CR1: variants seen among roughly 807,000 people sequenced by gnomAD.
The protein encoded by CR1 is complement C3b/C4b receptor 1 (Knops blood group).
In CR1, 116 loss-of-function variants were observed where a neutral mutation model predicts 187.3. That is an observed-to-expected ratio of 0.62 (90% CI 0.53 to 0.72). The LOEUF is 0.72. Ranked by LOEUF, CR1 falls within the 30% of genes least tolerant of loss-of-function variation. The pLI is 0.00. For synonymous variants in CR1, 576 were observed against 747.1 expected, an observed-to-expected ratio of 0.77 and a Z score of 3.73; for missense variants, 1,731 against 2,110.7, an observed-to-expected ratio of 0.82 and a Z score of 3.52.
chr1:207,614,528 T>C lies in CR1; in HGVS notation c.6661+39T>C, dbSNP rs56300364. ...ACTATGTAGTTTGGATAGCTCTCCTTATTTTCGTTTTCCAGCATGTTTTTC... is the reference window on the plus strand; with the variant it reads ...ACTATGTAGTTTGGATAGCTCTCCTCATTTTCGTTTTCCAGCATGTTTTTC... On this transcript the variant is annotated intron_variant, in intron 40 of 46. Transcript: ENST00000367049. 3.5e-4 allele frequency: 553 copies of C among 1,560,688 alleles called. 2 individuals carry two copies. The African/African-American group carries it at 6.8e-3, about 19-fold the overall frequency.
rs1193265107 is a variant in CR1, at chr1:207,619,052, A to G, written c.7066+805A>G. On this transcript the variant is annotated intron_variant, in intron 42 of 46. Coordinates refer to ENST00000367049, the MANE Select transcript of CR1 (RefSeq NM_000651.6). ...ACTCCGTCTCAAAAAAAAAAAAAAA[A>G]AAAGAAAAGAAAAGAAAGTAAATTA... Among the ~76,000 whole-genome samples the G allele has an allele frequency of 5.6e-5, 8 of 144,040 alleles. 1 individual carries two copies. Among genetic ancestry groups the G allele is most frequent in the South Asian group, 4.3e-4 (2 of 4,638 alleles). The allele number at this position is 144,040 out of a possible 152,430, so 94.5% of individuals were successfully genotyped here. A position where few individuals can be genotyped will look rare whatever the true frequency, so the allele number is the denominator to read the frequency against.
In CR1 at chr1:207,578,142, C is replaced by T. The variant is rs1385820912; in HGVS notation, c.4875C>T (p.Pro1625=). 6.2e-7 allele frequency: 1 copy of T among 1,611,758 alleles called. No homozygotes were observed. The change falls in exon 29 of 47, where the codon CCC becomes CCT. Residue 1625 remains proline (P), a synonymous_variant. Coordinates refer to ENST00000367049, the MANE Select transcript of CR1 (RefSeq NM_000651.6). ...AGCCTGGCTTTGTCATGAAAGGACC[C>T]CGCCGTGTGAAGTGCCAGGCCCTGA... ...RCQPGFVMKG[P]RRVKCQALNK...
At chr1:207,578,368 A>T (rs2102339668) in intron 29 of CR1, among the ~76,000 whole-genome samples, 165 bp downstream of exon 29, 1 of 152,344 alleles carries the variant, frequency 6.6e-6, no homozygotes, top group East Asian at 1.9e-4. Context: ...GCATGCACCC[A>T]TGCATATGTG....
At chr1:207,617,608 TATATAGAGAGAGAGAGAGAGAGAGAG>T (rs1275976343) in intron 41 of CR1, among the ~76,000 whole-genome samples, 126 of 12,222 alleles carry the variant, frequency 0.01, no homozygotes, top group Non-Finnish European at 0.015. Context: ...TATATATATA[TATATAGAGAGAGAGAGAGAGAGAGAG>T]AGAGAGAGAG....
In CR1 at chr1:207,617,447, A is replaced by G. The variant is rs550768485; in HGVS notation, c.6890-624A>G. Among the ~76,000 whole-genome samples, 75 of 135,846 alleles carry G rather than the reference A, an allele frequency of 5.5e-4. 3 individuals carry two copies. The South Asian group carries it at 0.016, about 29-fold the overall frequency. 89.1% of individuals were successfully genotyped at this position (135,846 alleles called of 152,430 possible). A position where few individuals can be genotyped will look rare whatever the true frequency, so the allele number is the denominator to read the frequency against. On this transcript the variant is annotated intron_variant, in intron 41 of 46. Coordinates refer to ENST00000367049, the MANE Select transcript of CR1 (RefSeq NM_000651.6). ...TGGCACATGTATACCTATGTATCAA[A>G]CCTGCACATTGTGCATATGTACCCT... is the stretch of plus-strand genomic sequence containing the variant.
Position 207,523,777 on chromosome 1 carries a change from T to A in CR1, c.654T>A (p.Asn218Lys). The A allele has an allele frequency of 6.2e-7, 1 of 1,611,964 alleles. No individual in the cohort carries two copies. Among genetic ancestry groups the A allele is most frequent in the Non-Finnish European group, 8.5e-7 (1 of 1,179,754 alleles). ...VGEPSIYCTS[N>K]DDQVGIWSGP... ...AGCCCTCCATATACTGCACCAGCAATGACGATCAAGTGGGCATCTGGAGCG... is the reference window on the plus strand; with the variant it reads ...AGCCCTCCATATACTGCACCAGCAAAGACGATCAAGTGGGCATCTGGAGCG... Residue 218 changes from asparagine (N) to lysine (K), a missense_variant, in exon 5 of 47, where the codon AAT (asparagine) becomes AAA (lysine). Physicochemically the swap from Asn to Lys is moderately conservative, Grantham distance 94. This residue lies in a region of CR1 where 131 missense variants were observed against 196.8 expected (regional missense o/e 0.67). Transcript: ENST00000367049.
In CR1 at chr1:207,564,023, C is replaced by T. The variant is rs1172333018; in HGVS notation, c.3746C>T (p.Ala1249Val). The T allele has an allele frequency of 2.6e-6, 4 of 1,525,058 alleles. No individual in the cohort carries two copies. The Admixed American group carries it at 7.5e-5, about 28-fold the overall frequency. 94.5% of individuals were successfully genotyped at this position (1,525,058 alleles called of 1,614,324 possible). ...RCTPQGDWSP[A>V]APTCEVKSCD... is the part of the protein sequence containing the mutation. ...ACACCCCAGGGAGACTGGAGCCCTG[C>T]AGCCCCCACATGTGAAGGTGACTAG... The change falls in exon 22 of 47, where the codon GCA becomes GTA. Residue 1249 changes from alanine (A) to valine (V), a missense_variant. By Grantham distance (64) the Ala-to-Val change is moderately conservative. Around this residue, in one of 5 missense-constraint regions of CR1, gnomAD observed 34 missense variants for 79.5 expected, o/e 0.43. Coordinates refer to ENST00000367049, the MANE Select transcript of CR1 (RefSeq NM_000651.6).
At chr1:207,633,944 G>T (rs941780518) in intron 46 of CR1, among the ~76,000 whole-genome samples, 4 of 152,212 alleles carry the variant, frequency 2.6e-5, no homozygotes, top group African/African-American at 9.6e-5. Flanking sequence ...GCGGGCAGAA[G>T]TGGGGGTCGC....
chr1:207,524,042 C>A lies in CR1; in HGVS notation c.886+33C>A, dbSNP rs754632484. On this transcript the variant is annotated intron_variant, in intron 5 of 46. Transcript: ENST00000367049. Reference sequence around the variant, plus strand: ...TGACTGAGGCCTAGAAGGGCCCTGCCAGTGACATGCGTTGCTGTTGGATCA... The same window carrying A: ...TGACTGAGGCCTAGAAGGGCCCTGCAAGTGACATGCGTTGCTGTTGGATCA... 5.2e-5 allele frequency: 84 copies of A among 1,611,150 alleles called. No individual in the cohort carries two copies. In the Middle Eastern group the frequency reaches 2.0e-3, roughly 39 times the overall value.
At position 207,612,036 on chromosome 1, in the gene CR1, T is replaced by A; in HGVS notation, c.6570T>A (p.Asp2190Glu). 6.2e-7 allele frequency: 1 copy of A among 1,614,004 alleles called. No homozygotes were observed. Residue 2190 changes from aspartate to glutamate, a missense_variant, in exon 39 of 47, where the codon GAT (aspartate) becomes GAA (glutamate). By Grantham distance (45) the Asp-to-Glu change is conservative. Around this residue, in one of 5 missense-constraint regions of CR1, gnomAD observed 1,312 missense variants for 1,379.6 expected, o/e 0.95. Transcript: ENST00000367049. ...GGGCAAAGGTGTCCTTTGTTTGCGATGAAGGGTGAGTGTGACCCAGCGTTG... is the reference window on the plus strand; with the variant it reads ...GGGCAAAGGTGTCCTTTGTTTGCGAAGAAGGGTGAGTGTGACCCAGCGTTG... ...QLGAKVSFVC[D>E]EGFRLKGRSA...
chr1:207,637,852 G>C (rs1191329984), intron 46 of CR1, among the ~76,000 whole-genome samples: 1 of 151,980 alleles, frequency 6.6e-6, no homozygotes, highest in Non-Finnish European at 1.5e-5. Flanking sequence ...ATGTCTAGTG[G>C]GTATCCAAAC....
intron 46 of CR1, among the ~76,000 whole-genome samples, chr1:207,631,341 A>G (rs935030461): frequency 6.6e-6 from 1 of 152,192 alleles, no homozygotes; most frequent in African/African-American, 2.4e-5. Flanking sequence ...TGTTTTTGTG[A>G]ATAAAGTTTT....
At position 207,526,889 on chromosome 1, in the gene CR1, A is replaced by T. The variant is rs1660191629; in HGVS notation, c.1023A>T (p.Thr341=). Residue 341 remains threonine (T), a synonymous_variant, in exon 6 of 47, where the codon ACA becomes ACT. Coordinates refer to ENST00000367049, the MANE Select transcript of CR1 (RefSeq NM_000651.6). The part of the protein sequence containing the change: ...DLRGAASMRC[T]PQGDWSPAAP... ...GAGGGGCTGCGTCTATGCGCTGCAC[A>T]CCCCAGGGAGACTGGAGCCCTGCAG... 6.7e-7 allele frequency: 1 copy of T among 1,490,810 alleles called. No homozygotes were observed. Among genetic ancestry groups the T allele is most frequent in the Non-Finnish European group, 8.9e-7 (1 of 1,128,804 alleles). The allele number at this position is 1,490,810 out of a possible 1,614,324, so 92.3% of individuals were successfully genotyped here.
At chr1:207,621,306 G>T (rs1662308850) in intron 43 of CR1, among the ~76,000 whole-genome samples, 1 of 152,036 alleles carries the variant, frequency 6.6e-6, no homozygotes, top group Non-Finnish European at 1.5e-5. Context: ...CAATAAAAAG[G>T]TTGTTAGGTG....
chr1:207,574,588 A>C lies in CR1; in HGVS notation c.4452-1007A>C, dbSNP rs114142542. On this transcript the variant is annotated intron_variant, in intron 27 of 46. Transcript: ENST00000367049. ...CAACAATAAAAAAATACACACAAAA[A>C]CTCGGCAATGTAATCATAATTTACT... 3.5e-3 allele frequency among the ~76,000 whole-genome samples: 529 copies of C among 152,222 alleles called. 3 individuals carry two copies. Among genetic ancestry groups the C allele is most frequent in the African/African-American group, 0.012 (514 of 41,538 alleles).
At position 207,609,735 on chromosome 1, in the gene CR1, G is replaced by C. The variant is rs1661866279; in HGVS notation, c.6295+47G>C. ...TTTGCTGGGTGTGAGGGTACGTATA[G>C]ATGATAGGAGTTGTTGAAATTAAGG... On this transcript the variant is annotated intron_variant, in intron 37 of 46. Coordinates refer to ENST00000367049, the MANE Select transcript of CR1 (RefSeq NM_000651.6). 5 of 1,485,798 alleles carry C rather than the reference G, an allele frequency of 3.4e-6. No homozygotes were observed. The South Asian group carries it at 7.2e-5, about 21-fold the overall frequency. The allele number at this position is 1,485,798 out of a possible 1,614,324, so 92.0% of individuals were successfully genotyped here. A position where few individuals can be genotyped will look rare whatever the true frequency, so the allele number is the denominator to read the frequency against.
chr1:207,597,141 AAAAC>A (rs1304662167), intron 35 of CR1, among the ~76,000 whole-genome samples: 1 of 151,324 alleles, frequency 6.6e-6, no homozygotes, highest in Non-Finnish European at 1.5e-5. Context: ...TACAAAAAAA[AAAAC>A]AAACTCCATT....
At chr1:207,508,345 C>A (rs996186908) in intron 3 of CR1, among the ~76,000 whole-genome samples, 1 of 152,174 alleles carries the variant, frequency 6.6e-6, no homozygotes, top group African/African-American at 2.4e-5. Flanking sequence ...AAAAACGTAC[C>A]ACCCTGGTGA....
intron 35 of CR1, among the ~76,000 whole-genome samples, chr1:207,603,972 C>T (rs111601514): frequency 0.07 from 10,697 of 152,158 alleles, 1,282 homozygotes; most frequent in African/African-American, 0.24. Context: ...CGATTTTAAG[C>T]CTTTCAGTAC....
Sources: allele counts gnomAD v4.1 joint callset (sites outside exome capture counted in the v4.1 genomes callset), GRCh38; gene constraint gnomAD v4.1.1; regional missense constraint gnomAD v4.1.1; transcripts MANE v1.5; gene names NCBI Gene and HGNC (gene_info 2026-07-23, HGNC 2026-07-21).